SAMD5: variants seen among roughly 807,000 people sequenced by gnomAD.
SAMD5 encodes the protein sterile alpha motif domain containing 5.
In SAMD5, 13 loss-of-function variants were observed where a neutral mutation model predicts 11.3. That is an observed-to-expected ratio of 1.15 (90% confidence interval 0.75 to 1.83). The LOEUF (loss-of-function observed/expected upper bound fraction) is 1.83. Ranked by LOEUF, SAMD5 falls within the 40% of genes most tolerant of loss-of-function variation. SAMD5 has a pLI of 0.00. For synonymous variants in SAMD5, 129 were observed against 111.3 expected (o/e 1.16, Z -1.00); for missense variants, 255 against 239.1 (o/e 1.07, Z -0.44).
At chr6:147,952,605 G>A in the SAMD5 span, among the ~76,000 whole-genome samples, 1 of 152,158 alleles carries the variant, frequency 6.6e-6, no homozygotes, top group Non-Finnish European at 1.5e-5. Flanking sequence ...CTGCCTCCCA[G>A]GTTCAAGTGA....
chr6:147,866,614 T>C, the SAMD5 span, among the ~76,000 whole-genome samples: 2 of 152,192 alleles, frequency 1.3e-5, no homozygotes, highest in Non-Finnish European at 2.9e-5. Flanking sequence ...ATTTTTACAA[T>C]GAGCTATGGT....
At chr6:147,769,839 C>T in the SAMD5 span, among the ~76,000 whole-genome samples, 1 of 152,278 alleles carries the variant, frequency 6.6e-6, no homozygotes, top group East Asian at 1.9e-4. Context: ...ATTACACTTT[C>T]CCTTTGGTCT....
the SAMD5 span, among the ~76,000 whole-genome samples, chr6:147,839,238 CTCA>C: frequency 6.6e-6 from 1 of 152,218 alleles, no homozygotes; most frequent in African/African-American, 2.4e-5. Flanking sequence ...CTATTCTTTT[CTCA>C]TCGTCTTGAG....
the SAMD5 span, among the ~76,000 whole-genome samples, chr6:147,862,002 C>G: frequency 6.6e-6 from 1 of 152,100 alleles, no homozygotes; most frequent in Non-Finnish European, 1.5e-5. Context: ...AGTTTTGGGC[C>G]AGAAAGTATC....
the SAMD5 span, among the ~76,000 whole-genome samples, chr6:147,784,800 A>C: frequency 0.34 from 51,146 of 152,068 alleles, 9,312 homozygotes; most frequent in African/African-American, 0.48. Flanking sequence ...TTTATTAAAT[A>C]AAATGAATCA....
chr6:147,953,241 A>T, the SAMD5 span: 1 of 152,166 alleles, frequency 6.6e-6, no homozygotes, highest in African/African-American at 2.4e-5. Flanking sequence ...GTCCACTGTA[A>T]ATCTTTGCTT....
chr6:147,928,753 T>C, the SAMD5 span, among the ~76,000 whole-genome samples: 1 of 152,160 alleles, frequency 6.6e-6, no homozygotes, highest in East Asian at 1.9e-4. Context: ...GTTGTGATGT[T>C]AGGTTGTTAA....
chr6:147,857,973 C>T, the SAMD5 span, among the ~76,000 whole-genome samples: 5,573 of 148,156 alleles, frequency 0.038, 136 homozygotes, highest in South Asian at 0.094. Context: ...ATTGTTGCCT[C>T]ATCCCCTGTC....
In SAMD5 at chr6:147,508,944, G is replaced by C. The variant is rs1050347105; in HGVS notation, c.16G>C (p.Val6Leu). 12 of 1,597,702 alleles carry C rather than the reference G, an allele frequency of 7.5e-6. No homozygotes were observed. Among genetic ancestry groups the C allele is most frequent in the Non-Finnish European group, 1.0e-5 (12 of 1,172,734 alleles). The change falls in exon 1 of 2, where the codon GTT becomes CTT. Residue 6 changes from valine to leucine, a missense_variant. Coordinates refer to ENST00000367474, the MANE Select transcript of SAMD5 (RefSeq NM_001030060.3). ...CGGTCCCACCATGTGCACCAACATA[G>C]TTTACGAGTGGCTCAAAGCGCTGCA... MCTNI[V>L]YEWLKALQLP...
intron 1 of SAMD5, among the ~76,000 whole-genome samples, chr6:147,531,558 A>T (rs1788430377): frequency 4.6e-5 from 7 of 152,200 alleles, no homozygotes; most frequent in Admixed American, 4.6e-4. Flanking sequence ...TGGAATGCTC[A>T]CTGGGACACA....
intron 1 of SAMD5, among the ~76,000 whole-genome samples, chr6:147,718,702 T>C (rs1260102410): frequency 6.6e-6 from 1 of 152,138 alleles, no homozygotes; most frequent in East Asian, 1.9e-4. Flanking sequence ...TTTTTTTCTT[T>C]TTTTTGGAGG....
At chr6:147,554,556 A>T (rs1370663205) in intron 1 of SAMD5, among the ~76,000 whole-genome samples, 4 of 152,148 alleles carry the variant, frequency 2.6e-5, no homozygotes, top group African/African-American at 9.7e-5. Flanking sequence ...GTGATTGGCA[A>T]GGCTGGCAAG....
At chr6:147,788,908 C>T in the SAMD5 span, among the ~76,000 whole-genome samples, 13 of 151,832 alleles carry the variant, frequency 8.6e-5, no homozygotes, top group African/African-American at 3.1e-4. Flanking sequence ...ACGGTGAAAC[C>T]CCATCTTTAC....
intron 1 of SAMD5, among the ~76,000 whole-genome samples, chr6:147,512,172 C>T (rs975934232): frequency 5.3e-5 from 8 of 152,064 alleles, no homozygotes; most frequent in Non-Finnish European, 8.8e-5. Flanking sequence ...TGGCCAGGCT[C>T]ATCTCGAACT....
the SAMD5 span, among the ~76,000 whole-genome samples, chr6:147,897,323 G>A: frequency 6.6e-6 from 1 of 152,176 alleles, no homozygotes; most frequent in Admixed American, 6.6e-5. Flanking sequence ...CTGGGTGACA[G>A]CAGGCGATCC....
chr6:147,524,638 C>A (rs968659360), intron 1 of SAMD5, among the ~76,000 whole-genome samples: 1 of 151,952 alleles, frequency 6.6e-6, no homozygotes, highest in South Asian at 2.1e-4. Flanking sequence ...GAACCACCTA[C>A]CTCCTTCTCC....
rs1789072726 is a variant in SAMD5 at position 147,568,111 on chromosome 6, G to A, written c.*3655G>A. 1.0e-6 allele frequency: 1 copy of A among 985,128 alleles called. No individual in the cohort carries two copies. The allele number at this position is 985,128 out of a possible 1,614,324, so 61.0% of individuals were successfully genotyped here. The stretch of plus-strand genomic sequence containing the variant: ...TATGTATATTTTCCTCTGATTTTAT[G>A]ACTGATTTACAAATTAGGAGTGCAA... On this transcript the variant is annotated 3_prime_UTR_variant, in exon 2 of 2. Coordinates refer to ENST00000367474, the MANE Select transcript of SAMD5 (RefSeq NM_001030060.3).
intron 1 of SAMD5, among the ~76,000 whole-genome samples, chr6:147,557,128 C>A (rs1788869768): frequency 6.6e-6 from 1 of 152,028 alleles, no homozygotes; most frequent in Admixed American, 6.6e-5. Flanking sequence ...TTAAAGTTTG[C>A]ATCATTTATT....
At chr6:147,916,232 T>C in the SAMD5 span, among the ~76,000 whole-genome samples, 1 of 152,152 alleles carries the variant, frequency 6.6e-6, no homozygotes, top group Non-Finnish European at 1.5e-5. Flanking sequence ...TGTGTCTTTA[T>C]AGCAGCATGA....
Sources: allele counts gnomAD v4.1 joint callset (sites outside exome capture counted in the v4.1 genomes callset), GRCh38; gene constraint gnomAD v4.1.1; transcripts MANE v1.5; gene names NCBI Gene and HGNC (gene_info 2026-07-23, HGNC 2026-07-21).